SRL: variants seen among roughly 807,000 people sequenced by gnomAD.
SRL encodes the protein sarcalumenin.
SRL carries 23 observed loss-of-function variants against 39.5 expected under a neutral mutation model. That is an observed-to-expected ratio of 0.58 (90% CI 0.42 to 0.82). The LOEUF (loss-of-function observed/expected upper bound fraction) is 0.82, where lower values mean the gene tolerates loss of function less well. Ranked by LOEUF, SRL falls within the 40% of genes least tolerant of loss-of-function variation. SRL has a pLI of 0.00. For missense variants in SRL, 592 were observed against 607.8 expected (o/e 0.97, Z 0.27); for synonymous variants, 272 against 237.4 (o/e 1.15, Z -1.34).
chr16:4,235,109 G>A (rs1239833786), intron 1 of SRL, among the ~76,000 whole-genome samples: 2 of 152,186 alleles, frequency 1.3e-5, no homozygotes, highest in African/African-American at 2.4e-5. Flanking sequence ...AGTAGGGAAG[G>A]GAGACCCAAG....
At chr16:4,195,083 C>T (rs1328674213) in intron 5 of SRL, among the ~76,000 whole-genome samples, 4 of 151,690 alleles carry the variant, frequency 2.6e-5, no homozygotes, top group Non-Finnish European at 5.9e-5. Context: ...TTTGTAGAGG[C>T]GGGGTTTTGC....
rs562871382 is a variant in SRL at position 4,218,992 on chromosome 16, G to C, written c.62-14358C>G. On this transcript the variant is annotated intron_variant, in intron 1 of 5. Coordinates refer to ENST00000399609, the MANE Select transcript of SRL (RefSeq NM_001098814.2). ...AGAGGGTGTCACCGAATCCATGACA[G>C]ATGGGCCCCACCGCCAGGTCCTGGC... Among the ~76,000 whole-genome samples, 46 of 152,372 alleles carry C rather than the reference G, an allele frequency of 3.0e-4. 3 individuals carry two copies. The South Asian group carries it at 8.7e-3, about 29-fold the overall frequency.
intron 3 of SRL, among the ~76,000 whole-genome samples, chr16:4,200,071 TC>T (rs2052206619): frequency 1.3e-5 from 2 of 152,176 alleles, no homozygotes; most frequent in African/African-American, 4.8e-5. Context: ...GTCTTCCTTC[TC>T]CGAGGCTAAA....
At position 4,204,592 on chromosome 16, in the gene SRL, C is replaced by A; in HGVS notation, c.104G>T (p.Arg35Leu). The A allele has an allele frequency of 1.2e-6, 2 of 1,614,156 alleles. No homozygotes were observed. The highest frequency in any genetic ancestry group is 1.7e-6 in the Non-Finnish European group (2 of 1,180,022). Reference protein sequence around the residue: ...DANEEAPLRDRSHIEKTLMLN... With the variant: ...DANEEAPLRDLSHIEKTLMLN... ...CATGAGGGTCTTCTCGATGTGGGAG[C>A]GGTCCCTCAATGGGGCTTCTTCATT... The change falls in exon 2 of 6, where the codon CGC becomes CTC. Residue 35 changes from arginine to leucine, a missense_variant. Physicochemically the swap from Arg to Leu is moderately radical, Grantham distance 102. Transcript: ENST00000399609.
chr16:4,203,037 C>G, intron 3 of SRL, 129 bp downstream of exon 3: 2 of 811,476 alleles, frequency 2.5e-6, no homozygotes, highest in East Asian at 2.5e-5. Context: ...AGTCCTTGCA[C>G]ACATCATGAA....
rs1302269214 is a variant in SRL, at chr16:4,228,575, A to G, written c.61+13432T>C. 5.9e-5 allele frequency among the ~76,000 whole-genome samples: 9 copies of G among 151,694 alleles called. No homozygotes were observed. In the East Asian group the frequency reaches 1.5e-3, roughly 26 times the overall value. On this transcript the variant is annotated intron_variant, in intron 1 of 5. Transcript: ENST00000399609. ...ACGGTGAAACCCCGTCTCTACTAAA[A>G]ATACAAAAAATTAGTCAGGCGTGGT...
Position 4,192,559 on chromosome 16 carries a change from C to T in SRL, c.1016G>A (p.Arg339Gln), listed in dbSNP as rs372039109. Residue 339 changes from arginine (R) to glutamine (Q), a missense_variant, in exon 6 of 6, where the codon CGG (arginine) becomes CAG (glutamine). Transcript: ENST00000399609. The surrounding 1 kb of genome is among the most constrained non-coding windows in gnomAD (Gnocchi z 4.0). The part of the protein sequence containing the change: ...KIAFIRQHAI[R>Q]VRIHALLVDR... The stretch of plus-strand genomic sequence containing the variant: ...AACCAGGAGGGCGTGGATGCGGACC[C>T]GGATGGCGTGCTGGCGGATGAAGGC... The T allele has an allele frequency of 3.2e-5, 51 of 1,614,046 alleles. No homozygotes were observed. Among genetic ancestry groups the T allele is most frequent in the East Asian group, 4.5e-5 (2 of 44,904 alleles).
At chr16:4,201,812 G>A (rs953894830) in intron 3 of SRL, among the ~76,000 whole-genome samples, 2 of 101,462 alleles carry the variant, frequency 2.0e-5, no homozygotes, top group African/African-American at 1.0e-4. Flanking sequence ...CCAGCCACTA[G>A]GCAGGGCTAA....
chr16:4,195,743 C>A lies in SRL; in HGVS notation c.420G>T (p.Gly140=). The stretch of plus-strand genomic sequence containing the variant: ...TGCCCTCGATGGTTTTCAGCTTAGG[C>A]CCATGCATGAGGACCGTGAACTCAG... The part of the protein sequence containing the change: ...TTSEFTVLMH[G]PKLKTIEGIV... The change falls in exon 5 of 6, where the codon GGG becomes GGT. Residue 140 remains glycine (G), a synonymous_variant. Transcript: ENST00000399609. 6.2e-7 allele frequency: 1 copy of A among 1,614,040 alleles called. No individual in the cohort carries two copies.
intron 4 of SRL, among the ~76,000 whole-genome samples, chr16:4,196,533 G>A (rs2052146989): frequency 6.8e-6 from 1 of 146,110 alleles, no homozygotes; most frequent in Non-Finnish European, 1.5e-5. Flanking sequence ...CCAGGCTGGA[G>A]TGCAGTGGCA....
chr16:4,203,830 C>A (rs1021806814), intron 2 of SRL, among the ~76,000 whole-genome samples: 4 of 152,240 alleles, frequency 2.6e-5, no homozygotes, highest in African/African-American at 9.6e-5. Flanking sequence ...TGTGTGTGCT[C>A]CCTGAGGCTT....
chr16:4,218,461 A>C (rs1178168968), intron 1 of SRL, among the ~76,000 whole-genome samples: 1 of 152,092 alleles, frequency 6.6e-6, no homozygotes, highest in East Asian at 1.9e-4. Flanking sequence ...GCCCTTCAGA[A>C]ACCACTCGGG....
chr16:4,210,969 A>C (rs1055627115), intron 1 of SRL, among the ~76,000 whole-genome samples: 1 of 152,134 alleles, frequency 6.6e-6, no homozygotes, highest in African/African-American at 2.4e-5. Context: ...CTGCATTTTA[A>C]CAAAATGGCC....
intron 1 of SRL, among the ~76,000 whole-genome samples, chr16:4,210,523 T>C (rs2052380524): frequency 7.7e-6 from 1 of 130,096 alleles, no homozygotes; most frequent in Non-Finnish European, 1.6e-5. Context: ...AAGGTCTCAC[T>C]CTGTCACCCA....
chr16:4,212,938 G>C (rs577083077), intron 1 of SRL, among the ~76,000 whole-genome samples: 121 of 152,278 alleles, frequency 7.9e-4, no homozygotes, highest in African/African-American at 2.7e-3. Flanking sequence ...TCTTTCCAAA[G>C]CACTTCTACA....
chr16:4,231,651 G>A (rs2052661123), intron 1 of SRL, among the ~76,000 whole-genome samples: 1 of 152,084 alleles, frequency 6.6e-6, no homozygotes, highest in South Asian at 2.1e-4. Flanking sequence ...CATGAGCAGG[G>A]GCTGTCTCCC....
chr16:4,216,766 G>C (rs1254432827), intron 1 of SRL, among the ~76,000 whole-genome samples: 1 of 152,170 alleles, frequency 6.6e-6, no homozygotes, highest in African/African-American at 2.4e-5. Flanking sequence ...GGCCGAGCTG[G>C]GGAGGAAAGG....
intron 1 of SRL, chr16:4,207,024 CCTTCCTGGGACTCCTCGG>C (rs1430018931): frequency 4.4e-6 from 2 of 452,076 alleles, no homozygotes. Flanking sequence ...GGGATCCCCG[CCTTCCTGGGACTCCTCGG>C]CTTCCTGCAG....
rs113956349 is a variant in SRL at position 4,230,206 on chromosome 16, G to A, written c.61+11801C>T. ...ATCTGTTCATTCAACACACTTGCCC[G>A]GGTGTGTCTGCAGAGCTCCAGATCA... On this transcript the variant is annotated intron_variant, in intron 1 of 5. Coordinates refer to ENST00000399609, the MANE Select transcript of SRL (RefSeq NM_001098814.2). Among the ~76,000 whole-genome samples, 68 of 152,176 alleles carry A rather than the reference G, an allele frequency of 4.5e-4. 1 individual carries two copies. The highest frequency in any genetic ancestry group is 1.5e-3 in the African/African-American group (62 of 41,520).
Sources: allele counts gnomAD v4.1 joint callset (sites outside exome capture counted in the v4.1 genomes callset), GRCh38; gene constraint gnomAD v4.1.1; non-coding constraint Gnocchi (gnomAD v3.1); transcripts MANE v1.5; gene names NCBI Gene and HGNC (gene_info 2026-07-23, HGNC 2026-07-21).